Variants in CLSTN2 observed in about 807,000 individuals in gnomAD.
CLSTN2 encodes the protein calsyntenin-2.
CLSTN2 carries 48 observed loss-of-function variants against 101.2 expected under a neutral mutation model. The ratio of observed to expected loss-of-function variants is 0.47; its 90% CI spans 0.38 to 0.60. CLSTN2 has a LOEUF of 0.60. Among genes scored for constraint, CLSTN2 ranks in the 20% least tolerant of loss-of-function variants. The pLI is 0.00. For missense variants in CLSTN2, 1,160 were observed against 1,238.2 expected, an observed-to-expected ratio of 0.94 and a Z score of 0.95; for synonymous variants, 481 against 463.6, an observed-to-expected ratio of 1.04 and a Z score of -0.48.
At chr3:140,158,417 AG>A (rs139489770) in intron 1 of CLSTN2, among the ~76,000 whole-genome samples, 15,204 of 152,178 alleles carry the variant, frequency 0.1, 2,518 homozygotes, top group African/African-American at 0.34. Context: ...TCAAGCTGAA[AG>A]TCAAATGAAG....
chr3:140,069,634 C>T (rs889578698), intron 1 of CLSTN2, among the ~76,000 whole-genome samples: 8 of 152,186 alleles, frequency 5.3e-5, no homozygotes, highest in African/African-American at 1.9e-4. Flanking sequence ...TCATGTTGCC[C>T]TTTTACTGTG....
At chr3:140,273,375 A>G (rs2086762702) in intron 2 of CLSTN2, among the ~76,000 whole-genome samples, 1 of 152,130 alleles carries the variant, frequency 6.6e-6, no homozygotes, top group East Asian at 1.9e-4. Flanking sequence ...CTTAAAGTAA[A>G]ATAAGAATAT....
chr3:140,238,206 T>C (rs939476422), intron 2 of CLSTN2, among the ~76,000 whole-genome samples: 10 of 152,200 alleles, frequency 6.6e-5, no homozygotes, highest in African/African-American at 2.4e-4. Flanking sequence ...AGGATAGATT[T>C]CCAGAGCCTC....
intron 1 of CLSTN2, among the ~76,000 whole-genome samples, chr3:140,046,395 G>A (rs1365259381): frequency 6.6e-6 from 1 of 152,008 alleles, no homozygotes; most frequent in East Asian, 1.9e-4. Flanking sequence ...TTTATTTTGA[G>A]CCTGTGTGTG....
At chr3:139,944,071 A>G (rs1486892122) in intron 1 of CLSTN2, among the ~76,000 whole-genome samples, 2 of 152,202 alleles carry the variant, frequency 1.3e-5, no homozygotes, top group African/African-American at 2.4e-5. Context: ...TCATCTTTCA[A>G]GAACTTACTA....
chr3:140,500,383 G>A (rs1290677372), intron 8 of CLSTN2, among the ~76,000 whole-genome samples: 1 of 152,180 alleles, frequency 6.6e-6, no homozygotes, highest in Non-Finnish European at 1.5e-5. Context: ...GAATATCTGT[G>A]AGGGAAGGAC....
intron 1 of CLSTN2, among the ~76,000 whole-genome samples, chr3:140,024,719 G>A (rs1025938656): frequency 6.6e-6 from 1 of 152,196 alleles, no homozygotes; most frequent in Non-Finnish European, 1.5e-5. Context: ...TAGGACTTAG[G>A]TGAAGGTCCA....
At chr3:140,382,639 A>G (rs959931985) in intron 2 of CLSTN2, among the ~76,000 whole-genome samples, 3 of 152,174 alleles carry the variant, frequency 2.0e-5, no homozygotes, top group Admixed American at 6.5e-5. Flanking sequence ...TGCTATAATA[A>G]AACACCACAC....
At chr3:140,383,323 A>G (rs552314553) in intron 2 of CLSTN2, among the ~76,000 whole-genome samples, 1 of 152,330 alleles carries the variant, frequency 6.6e-6, no homozygotes, top group African/African-American at 2.4e-5. Flanking sequence ...ACTGCCTGGT[A>G]TATAATGGGT....
chr3:140,397,390 T>C (rs1576547677), intron 2 of CLSTN2, among the ~76,000 whole-genome samples: 1 of 152,318 alleles, frequency 6.6e-6, no homozygotes, highest in Non-Finnish European at 1.5e-5. Flanking sequence ...GCTCCACAAA[T>C]AATAATTTCT....
At chr3:140,089,766 A>T (rs997549752) in intron 1 of CLSTN2, among the ~76,000 whole-genome samples, 1 of 151,630 alleles carries the variant, frequency 6.6e-6, no homozygotes. Flanking sequence ...ATGCACCACC[A>T]TACCTGGCCT....
chr3:140,081,703 C>T (rs944336855), intron 1 of CLSTN2, among the ~76,000 whole-genome samples: 2 of 151,840 alleles, frequency 1.3e-5, no homozygotes, highest in African/African-American at 2.4e-5. Context: ...TATCATACCA[C>T]CCCTTCTGCA....
intron 2 of CLSTN2, among the ~76,000 whole-genome samples, chr3:140,358,175 G>T (rs765575361): frequency 3.0e-4 from 45 of 152,246 alleles, no homozygotes; most frequent in East Asian, 5.8e-4. Flanking sequence ...TGCCTCTCCA[G>T]TCTCTCAAAG....
At chr3:140,507,217 G>C (rs1241706780) in intron 8 of CLSTN2, 1 of 152,228 alleles carries the variant, frequency 6.6e-6, no homozygotes, top group Non-Finnish European at 1.5e-5. Flanking sequence ...AGGTAAGCCA[G>C]TGTTCTAAGC....
At chr3:140,370,720 G>A (rs2087846062) in intron 2 of CLSTN2, among the ~76,000 whole-genome samples, 1 of 152,194 alleles carries the variant, frequency 6.6e-6, no homozygotes, top group Admixed American at 6.5e-5. Flanking sequence ...CATTGGGCCT[G>A]CAGAAGAACA....
intron 1 of CLSTN2, among the ~76,000 whole-genome samples, chr3:140,151,633 A>AGTGTGGTGGGCAGCTGGATTAG (rs1255449280): frequency 6.6e-6 from 1 of 152,006 alleles, no homozygotes; most frequent in African/African-American, 2.4e-5. Context: ...TGGGAAGACA[A>AGTGTGGTGGGCAGCTGGATTAG]TCAAAGGCAC....
chr3:140,011,946 C>A (rs1016393469), intron 1 of CLSTN2, among the ~76,000 whole-genome samples: 1 of 151,982 alleles, frequency 6.6e-6, no homozygotes, highest in African/African-American at 2.4e-5. Context: ...CTCTGGGAGA[C>A]CTGAAGGCCA....
intron 9 of CLSTN2, among the ~76,000 whole-genome samples, chr3:140,538,983 T>C (rs1935414700): frequency 6.6e-6 from 1 of 152,216 alleles, no homozygotes; most frequent in Non-Finnish European, 1.5e-5. Flanking sequence ...CTCAATCTTA[T>C]GCAGCCATAG....
At chr3:140,502,983 G>C (rs1375965890) in intron 8 of CLSTN2, among the ~76,000 whole-genome samples, 1 of 152,172 alleles carries the variant, frequency 6.6e-6, no homozygotes, top group African/African-American at 2.4e-5. Context: ...GCTCCTTCTG[G>C]AGGCCCTAGA....
Sources: allele counts gnomAD v4.1 joint callset (sites outside exome capture counted in the v4.1 genomes callset), GRCh38; gene constraint gnomAD v4.1.1; transcripts MANE v1.5; gene names NCBI Gene and HGNC (gene_info 2026-07-23, HGNC 2026-07-21).